The following PDSS1 variants were observed in gnomAD, a reference collection of about 807,000 sequenced individuals.
PDSS1 encodes the protein decaprenyl diphosphate synthase subunit 1.
Under a neutral mutation model 57.5 loss-of-function variants are expected in PDSS1, and 43 were observed. The observed-to-expected ratio is 0.75, with a 90% CI of 0.59 to 0.96. The LOEUF is 0.96. Ranked by LOEUF, PDSS1 falls within the 50% of genes least tolerant of loss-of-function variation. The probability of loss-of-function intolerance (pLI) is 0.00; values close to 1 mark genes in which losing one functional copy is unlikely to be tolerated. For synonymous variants in PDSS1, 175 were observed against 191.3 expected, an observed-to-expected ratio of 0.91 and a Z score of 0.70; for missense variants, 438 against 527.8, an observed-to-expected ratio of 0.83 and a Z score of 1.67.
chr10:26,730,715 C>T (rs1836160671), intron 8 of PDSS1, among the ~76,000 whole-genome samples: 1 of 152,154 alleles, frequency 6.6e-6, no homozygotes, highest in Non-Finnish European at 1.5e-5. Context: ...TCCCCTACCC[C>T]CTTGTAGGTA....
chr10:26,729,051 A>AT (rs1836073225), intron 8 of PDSS1, among the ~76,000 whole-genome samples: 1 of 152,076 alleles, frequency 6.6e-6, no homozygotes, highest in African/African-American at 2.4e-5. Context: ...AAGTGCTGGG[A>AT]TTATAGGCGT....
intron 6 of PDSS1, among the ~76,000 whole-genome samples, chr10:26,722,762 A>G (rs1206716802): frequency 1.3e-5 from 2 of 152,134 alleles, no homozygotes; most frequent in African/African-American, 4.8e-5. Context: ...TGTGATATAT[A>G]GGGTGTATTT....
At position 26,737,009 on chromosome 10, in the gene PDSS1, T is replaced by C. The variant is rs1427681644; in HGVS notation, c.1026+1430T>C. 2.0e-5 allele frequency among the ~76,000 whole-genome samples: 3 copies of C among 152,222 alleles called. No homozygotes were observed. The East Asian group carries it at 5.8e-4, about 29-fold the overall frequency. On this transcript the variant is annotated intron_variant, in intron 10 of 11. Transcript: ENST00000376215. ...AACCTATATAACTGCGAACATTACT[T>C]CTCAGATACTTGTTAGTAAACATGA...
In PDSS1 at chr10:26,706,405, T is replaced by C. The variant is rs146742201; in HGVS notation, c.336+1011T>C. Among the ~76,000 whole-genome samples the C allele has an allele frequency of 3.8e-3, 575 of 152,314 alleles. 2 individuals carry two copies. The highest frequency in any genetic ancestry group is 6.0e-3 in the Non-Finnish European group (406 of 68,012). On this transcript the variant is annotated intron_variant, in intron 4 of 11. Coordinates refer to ENST00000376215, the MANE Select transcript of PDSS1 (RefSeq NM_014317.5). ...CCTTCAGCTCCTGCTCTGTCGCAAT[T>C]GGCCAGCTTGCCTGCGCCTTCTCTG...
chr10:26,719,178 A>G (rs1218362827), intron 5 of PDSS1, among the ~76,000 whole-genome samples: 1 of 152,156 alleles, frequency 6.6e-6, no homozygotes, highest in Admixed American at 6.6e-5. Flanking sequence ...TTAAATGAGG[A>G]TATGTTTTAG....
Position 26,729,724 on chromosome 10 carries a change from G to A in PDSS1, c.832-5516G>A, listed in dbSNP as rs114751852. 8.9e-4 allele frequency among the ~76,000 whole-genome samples: 136 copies of A among 152,104 alleles called. 1 individual carries two copies. Among genetic ancestry groups the A allele is most frequent in the African/African-American group, 3.2e-3 (133 of 41,490 alleles). ...CTGTTCAAAAGTTACCTTTCTCTAC[G>A]TATCAGTGTGGTTGTGTTATTATTT... On this transcript the variant is annotated intron_variant, in intron 8 of 11. Transcript: ENST00000376215.
Position 26,720,330 on chromosome 10 carries a change from A to G in PDSS1, c.580A>G (p.Thr194Ala), listed in dbSNP as rs540043853. The change falls in exon 6 of 12, where the codon ACA becomes GCA. Residue 194 changes from threonine (T) to alanine (A), a missense_variant. By Grantham distance (58) the Thr-to-Ala change is moderately conservative (BLOSUM62 0). Transcript: ENST00000376215. Reference sequence around the variant, plus strand: ...TGCAAGTTCTCGAAGAGGAAAACACACAGTTAATAAGATCTGGGGTGAAAA... The same window carrying G: ...TGCAAGTTCTCGAAGAGGAAAACACGCAGTTAATAAGATCTGGGGTGAAAA... ...DDASSRRGKH[T>A]VNKIWGEKKA... The G allele has an allele frequency of 6.2e-7, 1 of 1,613,578 alleles. No homozygotes were observed. The highest frequency in any genetic ancestry group is 8.5e-7 in the Non-Finnish European group (1 of 1,179,458).
Position 26,718,319 on chromosome 10 carries a change from A to C in PDSS1, c.468-1899A>C, listed in dbSNP as rs1464241389. Among the ~76,000 whole-genome samples, 4 of 152,156 alleles carry C rather than the reference A, an allele frequency of 2.6e-5. No homozygotes were observed. The East Asian group carries it at 7.7e-4, about 29-fold the overall frequency. ...CAGCCTTCCAGAGTGCTGGGATTAC[A>C]GGCAGGAACCTGTAACTGTGCCTAG... is the stretch of plus-strand genomic sequence containing the variant. On this transcript the variant is annotated intron_variant, in intron 5 of 11. Coordinates refer to ENST00000376215, the MANE Select transcript of PDSS1 (RefSeq NM_014317.5).
intron 2 of PDSS1, among the ~76,000 whole-genome samples, chr10:26,704,092 A>AAAAAAAAAAAAAAAAAAAAAAAC (rs1214387470): frequency 6.8e-6 from 1 of 147,274 alleles, no homozygotes; most frequent in Non-Finnish European, 1.5e-5. Flanking sequence ...ACAAAAAAAA[A>AAAAAAAAAAAAAAAAAAAAAAAC]AAAAAAAAAA....
Position 26,705,209 on chromosome 10 carries a change from G to A in PDSS1, c.228-77G>A, listed in dbSNP as rs140130617. 271 of 804,884 alleles carry A rather than the reference G, an allele frequency of 3.4e-4. 1 individual carries two copies. The highest frequency in any genetic ancestry group is 3.1e-3 in the East Asian group (118 of 38,326). The allele number at this position is 804,884 out of a possible 1,614,324, so 49.9% of individuals were successfully genotyped here. On this transcript the variant is annotated intron_variant, in intron 3 of 11. Coordinates refer to ENST00000376215, the MANE Select transcript of PDSS1 (RefSeq NM_014317.5). ...AGCAAATATTTGGGCTGAATTTTCCGTATCTGAGTCTACTAAATATATATG... is the reference window on the plus strand; with the variant it reads ...AGCAAATATTTGGGCTGAATTTTCCATATCTGAGTCTACTAAATATATATG...
At chr10:26,726,789 C>T (rs1316942294) in intron 8 of PDSS1, among the ~76,000 whole-genome samples, 1 of 152,000 alleles carries the variant, frequency 6.6e-6, no homozygotes, top group Non-Finnish European at 1.5e-5. Flanking sequence ...AGGCCGGGCA[C>T]GGTGGCTCAC....
intron 5 of PDSS1, among the ~76,000 whole-genome samples, chr10:26,716,042 C>T (rs1472203541): frequency 3.3e-5 from 5 of 152,204 alleles, no homozygotes; most frequent in Non-Finnish European, 7.3e-5. Context: ...AAATCTATGA[C>T]TGTTAGGATC....
At chr10:26,702,833 A>G (rs961311444) in intron 2 of PDSS1, among the ~76,000 whole-genome samples, 1 of 152,156 alleles carries the variant, frequency 6.6e-6, no homozygotes, top group Admixed American at 6.6e-5. Context: ...CTGGAAAAAT[A>G]AAATAAAAGT....
intron 8 of PDSS1, among the ~76,000 whole-genome samples, chr10:26,726,328 T>G (rs530033510): frequency 1.3e-5 from 2 of 152,220 alleles, no homozygotes; most frequent in Non-Finnish European, 2.9e-5. Flanking sequence ...ACTACCTCCT[T>G]TTCATGTGGT....
chr10:26,712,976 T>A (rs1288553188), intron 5 of PDSS1, among the ~76,000 whole-genome samples: 1 of 96,572 alleles, frequency 1.0e-5, no homozygotes, highest in East Asian at 2.5e-4. Flanking sequence ...TGTTTTTTTT[T>A]TTGCTTCTGA....
At position 26,710,691 on chromosome 10, in the gene PDSS1, G is replaced by T. The variant is rs1247091521; in HGVS notation, c.467+923G>T. ...CTTTAATAAAATGAGCTTGGGTTTT[G>T]CTGAGCTCTGTTGCAAGTTAGGTTC... On this transcript the variant is annotated intron_variant, in intron 5 of 11. Transcript: ENST00000376215. Among the ~76,000 whole-genome samples the T allele has an allele frequency of 2.0e-5, 2 of 98,184 alleles. 1 individual carries two copies. The highest frequency in any genetic ancestry group is 4.7e-5 in the Non-Finnish European group (2 of 42,478). 64.4% of individuals were successfully genotyped at this position (98,184 alleles called of 152,430 possible).
chr10:26,703,897 C>T (rs1055421912), intron 2 of PDSS1, among the ~76,000 whole-genome samples: 23 of 151,674 alleles, frequency 1.5e-4, no homozygotes, highest in Non-Finnish European at 2.7e-4. Context: ...CTGGCTAACA[C>T]GGTGAAACCC....
chr10:26,720,136 T>C, intron 5 of PDSS1, 82 bp from the exon 6 acceptor site: 1 of 1,597,068 alleles, frequency 6.3e-7, no homozygotes, highest in Non-Finnish European at 8.5e-7. Flanking sequence ...TTATCCTAGA[T>C]CCGATGTCCA....
intron 8 of PDSS1, among the ~76,000 whole-genome samples, chr10:26,733,227 C>T (rs1188840172): frequency 1.3e-5 from 2 of 152,148 alleles, no homozygotes; most frequent in East Asian, 3.8e-4. Flanking sequence ...GTGGAAATAT[C>T]TTGATTCCCA....
Sources: gnomAD v4.1 joint callset for allele counts (sites outside exome capture counted in the v4.1 genomes callset) on GRCh38, gnomAD v4.1.1 for gene constraint, MANE v1.5 for transcripts, NCBI Gene and HGNC (gene_info 2026-07-23, HGNC 2026-07-21) for gene names.